LRFN2: variants seen among roughly 807,000 people sequenced by gnomAD.
The protein encoded by LRFN2 is leucine rich repeat and fibronectin type III domain containing 2, also known as leucine-rich repeat and fibronectin type-III domain-containing protein 2.
A neutral mutation model predicts 37.3 loss-of-function variants in LRFN2; 18 were observed. The ratio of observed to expected loss-of-function variants is 0.48; its 90% CI spans 0.33 to 0.72. The LOEUF (loss-of-function observed/expected upper bound fraction) is 0.72, where lower values mean the gene tolerates loss of function less well. LRFN2 is among the 30% of genes least tolerant of loss of function. LRFN2 has a pLI of 0.02. For synonymous variants in LRFN2, 556 were observed against 466.6 expected, an observed-to-expected ratio of 1.19 and a Z score of -2.47; for missense variants, 1,006 against 1,060.7, an observed-to-expected ratio of 0.95 and a Z score of 0.72.
intron 1 of LRFN2, among the ~76,000 whole-genome samples, chr6:40,586,218 TCCTCC>T (rs1767500636): frequency 6.6e-6 from 1 of 152,044 alleles, no homozygotes; most frequent in African/African-American, 2.4e-5. Context: ...CTGCTCTCCC[TCCTCC>T]CTGCCCAGGC....
chr6:40,461,572 A>G (rs1050169514), intron 1 of LRFN2, among the ~76,000 whole-genome samples: 2 of 134,742 alleles, frequency 1.5e-5, no homozygotes, highest in Admixed American at 7.8e-5. Context: ...ATCCCCAGCC[A>G]CCCCCCTCCC....
intron 1 of LRFN2, among the ~76,000 whole-genome samples, chr6:40,520,301 A>T (rs1417593098): frequency 6.6e-6 from 1 of 152,058 alleles, no homozygotes; most frequent in South Asian, 2.1e-4. Flanking sequence ...GGGAGACAGG[A>T]CAGGCAGCTT....
At chr6:40,536,673 A>C (rs932117087) in intron 1 of LRFN2, among the ~76,000 whole-genome samples, 1 of 152,116 alleles carries the variant, frequency 6.6e-6, no homozygotes, top group Non-Finnish European at 1.5e-5. Context: ...GCTTGCCTGC[A>C]GGGACTCCAT....
chr6:40,491,192 A>C (rs1765085554), intron 1 of LRFN2, among the ~76,000 whole-genome samples: 1 of 152,166 alleles, frequency 6.6e-6, no homozygotes. Flanking sequence ...ACGGATGCTC[A>C]CCTGTTCTCT....
At chr6:40,494,275 A>T (rs1276317952) in intron 1 of LRFN2, among the ~76,000 whole-genome samples, 1 of 152,198 alleles carries the variant, frequency 6.6e-6, no homozygotes, top group South Asian at 2.1e-4. Flanking sequence ...CCAGATCAGC[A>T]CTTCTCTCCT....
At chr6:40,566,045 A>G (rs1346750021) in intron 1 of LRFN2, among the ~76,000 whole-genome samples, 1 of 152,248 alleles carries the variant, frequency 6.6e-6, no homozygotes, top group Non-Finnish European at 1.5e-5. Context: ...CAAGAAAAAA[A>G]CAAACAGCCC....
At chr6:40,566,440 T>A (rs1309852795) in intron 1 of LRFN2, among the ~76,000 whole-genome samples, 1 of 152,194 alleles carries the variant, frequency 6.6e-6, no homozygotes, top group Non-Finnish European at 1.5e-5. Context: ...CACACGTATG[T>A]TTATTGCCGC....
At chr6:40,399,904 T>C (rs900329147) in intron 2 of LRFN2, among the ~76,000 whole-genome samples, 1 of 151,940 alleles carries the variant, frequency 6.6e-6, no homozygotes, top group African/African-American at 2.4e-5. Context: ...CAGCACATCT[T>C]GGCTGTATCT....
At chr6:40,573,976 A>G (rs182605174) in intron 1 of LRFN2, among the ~76,000 whole-genome samples, 2 of 152,308 alleles carry the variant, frequency 1.3e-5, no homozygotes, top group African/African-American at 4.8e-5. Context: ...CAAAACAAAC[A>G]AACAAACAAA....
At chr6:40,550,514 GA>G (rs1766756216) in intron 1 of LRFN2, among the ~76,000 whole-genome samples, 1 of 152,142 alleles carries the variant, frequency 6.6e-6, no homozygotes, top group African/African-American at 2.4e-5. Context: ...ATTCATCTCA[GA>G]GGAGTCCAGA....
chr6:40,411,257 C>T (rs1762958508), intron 2 of LRFN2, among the ~76,000 whole-genome samples: 1 of 152,208 alleles, frequency 6.6e-6, no homozygotes, highest in Non-Finnish European at 1.5e-5. Context: ...GAGGAGTCGT[C>T]CCTGCTCTGC....
chr6:40,576,707 C>T (rs141177132), intron 1 of LRFN2, among the ~76,000 whole-genome samples: 21 of 152,290 alleles, frequency 1.4e-4, no homozygotes, highest in African/African-American at 4.8e-4. Flanking sequence ...AGCTCAGGGC[C>T]TTGACTTCTC....
intron 1 of LRFN2, among the ~76,000 whole-genome samples, chr6:40,519,818 G>C (rs1207981300): frequency 3.3e-5 from 5 of 152,202 alleles, no homozygotes; most frequent in African/African-American, 4.8e-5. Context: ...AGCGTTCCCA[G>C]AGAAGGAGGC....
At chr6:40,524,976 T>C (rs1766208117) in intron 1 of LRFN2, among the ~76,000 whole-genome samples, 1 of 152,228 alleles carries the variant, frequency 6.6e-6, no homozygotes, top group South Asian at 2.1e-4. Context: ...GTTCTAGTCT[T>C]GGCACTGAAG....
chr6:40,477,857 G>A (rs1265144722), intron 1 of LRFN2, among the ~76,000 whole-genome samples: 1 of 152,172 alleles, frequency 6.6e-6, no homozygotes. Context: ...TTAGAGACCC[G>A]ACGCTCCTCT....
chr6:40,394,801 A>T (rs1320209840), intron 2 of LRFN2, among the ~76,000 whole-genome samples: 2 of 151,990 alleles, frequency 1.3e-5, no homozygotes, highest in African/African-American at 2.4e-5. Context: ...AACAAATCTC[A>T]TGAGATCTGA....
chr6:40,514,472 AC>A lies in LRFN2; in HGVS notation c.-19+72468del, dbSNP rs542865004. Among the ~76,000 whole-genome samples, 5 of 152,038 alleles carry A rather than the reference AC, an allele frequency of 3.3e-5. No homozygotes were observed. In the South Asian group the frequency reaches 1.0e-3, roughly 32 times the overall value. On this transcript the variant is annotated intron_variant, in intron 1 of 2. Coordinates refer to ENST00000338305, the MANE Select transcript of LRFN2 (RefSeq NM_020737.3). ...TGGGATTACATGCGTGCACCACCAC[AC>A]CCAGCTAATTTTTGTATTTTTAGTA...
chr6:40,440,277 G>T (rs1213912441), intron 1 of LRFN2, among the ~76,000 whole-genome samples: 2 of 152,182 alleles, frequency 1.3e-5, no homozygotes, highest in Admixed American at 1.3e-4. Context: ...TGTTCGCAAT[G>T]ACAGCATTAT....
intron 1 of LRFN2, among the ~76,000 whole-genome samples, chr6:40,470,498 T>C (rs1317648245): frequency 6.6e-6 from 1 of 151,954 alleles, no homozygotes; most frequent in Non-Finnish European, 1.5e-5. Flanking sequence ...TAGTCCCAGC[T>C]ACTTGGGAGG....
Sources: gnomAD v4.1 joint callset for allele counts (sites outside exome capture counted in the v4.1 genomes callset) on GRCh38, gnomAD v4.1.1 for gene constraint, MANE v1.5 for transcripts, NCBI Gene and HGNC (gene_info 2026-07-23, HGNC 2026-07-21) for gene names.